Variants in CROCC2 observed in about 807,000 individuals in gnomAD.
CROCC2 encodes the protein ciliary rootlet coiled-coil, rootletin family member 2.
Under a neutral mutation model 177.6 loss-of-function variants are expected in CROCC2, and 163 were observed. The observed-to-expected ratio is 0.92, with a 90% CI of 0.81 to 1.05. CROCC2 has a LOEUF of 1.05. Among genes scored for constraint, CROCC2 ranks in the 50% least tolerant of loss-of-function variants. CROCC2 has a pLI of 0.00. For missense variants in CROCC2, 1,929 were observed against 1,797.8 expected (o/e 1.07, Z -1.32); for synonymous variants, 904 against 787.3 (o/e 1.15, Z -2.48).
rs376043569 is a variant in CROCC2, at chr2:240,950,626, C to CCCAT, written c.2829+136_2829+139dup. 321 of 1,009,274 alleles carry CCCAT rather than the reference C, an allele frequency of 3.2e-4. 1 individual carries two copies. Among genetic ancestry groups the CCCAT allele is most frequent in the Middle Eastern group, 1.2e-3 (4 of 3,276 alleles). 62.5% of individuals were successfully genotyped at this position (1,009,274 alleles called of 1,614,324 possible). ...TTAGGCAGGTCCAACCGCCTACCCA[C>CCCAT]CCATCCATCCATCCATCCATCCAAC... On this transcript the variant is annotated intron_variant, in intron 18 of 31. Coordinates refer to ENST00000690015, the MANE Select transcript of CROCC2 (RefSeq NM_001351305.2).
At chr2:240,975,631 C>T (rs1446038042) in intron 27 of CROCC2, among the ~76,000 whole-genome samples, 2 of 152,014 alleles carry the variant, frequency 1.3e-5, no homozygotes, top group Non-Finnish European at 2.9e-5. Flanking sequence ...AGATATTTCC[C>T]AGCCTTCGCT....
intron 4 of CROCC2, among the ~76,000 whole-genome samples, chr2:240,924,941 G>A (rs184434737): frequency 4.5e-4 from 2 of 4,436 alleles, no homozygotes; most frequent in African/African-American, 1.9e-3. Flanking sequence ...CCCCCACACT[G>A]ACCCAGCCCC....
intron 18 of CROCC2, among the ~76,000 whole-genome samples, chr2:240,951,623 T>A (rs1376316280): frequency 1.3e-5 from 2 of 151,780 alleles, no homozygotes; most frequent in African/African-American, 4.8e-5. Flanking sequence ...TGACTATCCA[T>A]CCAACTATCC....
intron 28 of CROCC2, among the ~76,000 whole-genome samples, chr2:240,984,713 A>T (rs1201656152): frequency 2.8e-4 from 13 of 46,602 alleles, no homozygotes; most frequent in African/African-American, 3.8e-4. Context: ...CCACACACAC[A>T]CCCAGGCACT....
At chr2:240,910,651 G>A (rs1242420794) in intron 1 of CROCC2, among the ~76,000 whole-genome samples, 1 of 152,138 alleles carries the variant, frequency 6.6e-6, no homozygotes, top group Non-Finnish European at 1.5e-5. Flanking sequence ...CCCCTTTCTC[G>A]TTTCTGATAC....
Position 240,959,276 on chromosome 2 carries a change from A to ACCGTGGGCTCCCTTCTCCCC in CROCC2, c.2944-24_2944-5dup, listed in dbSNP as rs781356128. On this transcript the variant is annotated intron_variant, in intron 19 of 31. Transcript: ENST00000690015. ...CTGCTGGGCCCAGCTCCCTGGTGCC[A>ACCGTGGGCTCCCTTCTCCCC]CCGTGGGCTCCCTTCTCCCCGCAGG... 144 of 1,548,260 alleles carry ACCGTGGGCTCCCTTCTCCCC rather than the reference A, an allele frequency of 9.3e-5. No homozygotes were observed. The African/African-American group carries it at 1.8e-3, about 19-fold the overall frequency.
Position 240,935,607 on chromosome 2 carries a change from C to T in CROCC2, c.2169+19C>T. On this transcript the variant is annotated intron_variant, in intron 14 of 31. Transcript: ENST00000690015. ...GGGCCAGGTGAGGACGTCTGCAGGG[C>T]ATGCTGCCGCCGTCTGGGATGCGGC... is the stretch of plus-strand genomic sequence containing the variant. The T allele has an allele frequency of 1.4e-6, 2 of 1,380,036 alleles. No homozygotes were observed. 85.5% of individuals were successfully genotyped at this position (1,380,036 alleles called of 1,614,324 possible).
chr2:240,993,180 G>T lies in CROCC2; in HGVS notation c.*99G>T. The T allele has an allele frequency of 1.5e-6, 1 of 687,370 alleles. No homozygotes were observed. Among genetic ancestry groups the T allele is most frequent in the Non-Finnish European group, 2.7e-6 (1 of 364,924 alleles). The allele number at this position is 687,370 out of a possible 1,614,324, so 42.6% of individuals were successfully genotyped here. On this transcript the variant is annotated 3_prime_UTR_variant, in exon 32 of 32. Coordinates refer to ENST00000690015, the MANE Select transcript of CROCC2 (RefSeq NM_001351305.2). ...CTGATTTCTCAGCGTCACAGTGAAA[G>T]GCACCCGTGATGAGACAGCTCGCTC...
chr2:240,966,000 G>A lies in CROCC2; in HGVS notation c.3961+7G>A. On this transcript the variant is annotated splice_region_variant and intron_variant, in intron 24 of 31. Transcript: ENST00000690015. ...CCTGGTTCCCCCACCAAAGGTCAGA[G>A]TCCTCAGTGGAGGCAGGCGGGCCCC... 1 of 1,344,184 alleles carries A rather than the reference G, an allele frequency of 7.4e-7. No homozygotes were observed. The highest frequency in any genetic ancestry group is 2.2e-5 in the South Asian group (1 of 45,522). 83.3% of individuals were successfully genotyped at this position (1,344,184 alleles called of 1,614,324 possible).
Position 240,911,324 on chromosome 2 carries a change from T to C in CROCC2, c.78+4733T>C, listed in dbSNP as rs181561547. Reference sequence around the variant, plus strand: ...TTTTTTTTTTTTTTTTTAGACAGAGTTGGTCTCTGTCGCCCAGGCTGGAGT... The same window carrying C: ...TTTTTTTTTTTTTTTTTAGACAGAGCTGGTCTCTGTCGCCCAGGCTGGAGT... On this transcript the variant is annotated intron_variant, in intron 1 of 31. Coordinates refer to ENST00000690015, the MANE Select transcript of CROCC2 (RefSeq NM_001351305.2). 2.3e-5 allele frequency among the ~76,000 whole-genome samples: 3 copies of C among 130,166 alleles called. No individual in the cohort carries two copies. The East Asian group carries it at 6.9e-4, about 30-fold the overall frequency. 85.4% of individuals were successfully genotyped at this position (130,166 alleles called of 152,430 possible).
chr2:240,951,586 A>T (rs1374050219), intron 18 of CROCC2, among the ~76,000 whole-genome samples: 1 of 152,010 alleles, frequency 6.6e-6, no homozygotes, highest in African/African-American at 2.4e-5. Flanking sequence ...ACACCTCACC[A>T]TCCATGCAAT....
Position 240,970,298 on chromosome 2 carries a change from G to A in CROCC2, c.4401+2036G>A, listed in dbSNP as rs73107845. On this transcript the variant is annotated intron_variant, in intron 27 of 31. Transcript: ENST00000690015. ...CTTCCTCTTGGCCTCTGCTTTTTTG[G>A]TGTTTGTGGTTTCAGCCTTCATTTC... Among the ~76,000 whole-genome samples, 1,409 of 152,188 alleles carry A rather than the reference G, an allele frequency of 9.3e-3. 16 individuals are homozygous for A. The highest frequency in any genetic ancestry group is 0.032 in the African/African-American group (1,321 of 41,504).
Position 240,930,329 on chromosome 2 carries a change from T to G in CROCC2, c.749+60T>G, listed in dbSNP as rs1574755971. On this transcript the variant is annotated intron_variant, in intron 6 of 31. Transcript: ENST00000690015. ...CAGGCTGCAGGGAGCTGAAACCCCC[T>G]TGGGGAGGGGGAAATCGGTGCCCAG... 8 of 472,930 alleles carry G rather than the reference T, an allele frequency of 1.7e-5. No individual in the cohort carries two copies. The East Asian group carries it at 2.4e-4, about 14-fold the overall frequency. 29.3% of individuals were successfully genotyped at this position (472,930 alleles called of 1,614,324 possible).
At chr2:240,976,183 C>G (rs13015196) in intron 27 of CROCC2, among the ~76,000 whole-genome samples, 42,491 of 132,858 alleles carry the variant, frequency 0.32, 6,871 homozygotes, top group East Asian at 0.47. Context: ...AGCCCAGGCT[C>G]ATCCCTGCTC....
At chr2:240,919,393 C>T (rs1211406324) in intron 2 of CROCC2, among the ~76,000 whole-genome samples, 4 of 152,168 alleles carry the variant, frequency 2.6e-5, no homozygotes, top group African/African-American at 7.2e-5. Context: ...GACGCCCACC[C>T]CCCTGGGCTC....
rs1003697284 is a variant in CROCC2, at chr2:240,966,260, G to A, written c.3997G>A (p.Gly1333Ser). The change falls in exon 25 of 32, where the codon GGT becomes AGT. Residue 1333 changes from glycine to serine, a missense_variant. Around this residue, in one of 3 missense-constraint regions of CROCC2, gnomAD observed 388 missense variants for 352.7 expected, o/e 1.10. Transcript: ENST00000690015. The stretch of plus-strand genomic sequence containing the variant: ...CTCCCAGGCTCTCCCTGGGCAACAG[G>A]GTACCAGCCCCCCAGCCAGGCCCCA... ...DSSQALPGQQ[G>S]TSPPARPHSP... The A allele has an allele frequency of 3.2e-6, 2 of 617,888 alleles. No homozygotes were observed. Among genetic ancestry groups the A allele is most frequent in the Non-Finnish European group, 4.7e-6 (2 of 424,370 alleles). 38.3% of individuals were successfully genotyped at this position (617,888 alleles called of 1,614,324 possible).
chr2:240,986,949 C>T (rs1231372052), intron 28 of CROCC2, among the ~76,000 whole-genome samples: 1 of 152,230 alleles, frequency 6.6e-6, no homozygotes, highest in East Asian at 1.9e-4. Flanking sequence ...CTGCAGAAGG[C>T]CCCGCAGCCC....
At chr2:240,937,497 A>G (rs2059477778) in intron 14 of CROCC2, among the ~76,000 whole-genome samples, 1 of 152,140 alleles carries the variant, frequency 6.6e-6, no homozygotes. Flanking sequence ...GATATTTTTT[A>G]TGGATGGACA....
At chr2:240,965,602 CT>C in intron 23 of CROCC2, 33 bp from the exon 24 acceptor site, 1 of 1,549,752 alleles carries the variant, frequency 6.5e-7, no homozygotes, top group Non-Finnish European at 8.7e-7. Context: ...TCCTCACTGT[CT>C]CCCACGGGCG....
Sources: allele counts gnomAD v4.1 joint callset (sites outside exome capture counted in the v4.1 genomes callset), GRCh38; gene constraint gnomAD v4.1.1; regional missense constraint gnomAD v4.1.1; transcripts MANE v1.5; gene names NCBI Gene and HGNC (gene_info 2026-07-23, HGNC 2026-07-21).